The following PRC1 variants were observed in gnomAD, a reference collection of about 807,000 sequenced individuals.
The protein encoded by PRC1 is anaphase spindle elongation 1 homolog.
A neutral mutation model predicts 91.2 loss-of-function variants in PRC1; 54 were observed. The ratio of observed to expected loss-of-function variants is 0.59; its 90% confidence interval spans 0.48 to 0.74. PRC1 has a LOEUF of 0.74. Among genes scored for constraint, PRC1 ranks in the 30% least tolerant of loss-of-function variants. PRC1 has a pLI of 0.00. For synonymous variants in PRC1, 275 were observed against 263.6 expected (o/e 1.04, Z -0.42); for missense variants, 727 against 746.2 (o/e 0.97, Z 0.30).
chr15:90,969,561 G>C lies in PRC1; in HGVS notation c.1635C>G (p.Asn545Lys), dbSNP rs993393274. Residue 545 changes from asparagine to lysine, a missense_variant, in exon 13 of 15, where the codon AAC becomes AAG. Coordinates refer to ENST00000394249, the MANE Select transcript of PRC1 (RefSeq NM_003981.4). ...TGCCGTTGAGCTCCAGGTTCTCCTT[G>C]TTGGCTCCATGCCTGCCAGTACGGG... ...KTPRTGRHGA[N>K]KENLELNGSI... 9.9e-6 allele frequency: 16 copies of C among 1,613,682 alleles called. No individual in the cohort carries two copies. Among genetic ancestry groups the C allele is most frequent in the African/African-American group, 1.3e-5 (1 of 74,882 alleles).
At chr15:90,978,840 T>C (rs8032722) in intron 8 of PRC1, among the ~76,000 whole-genome samples, 63,229 of 149,806 alleles carry the variant, frequency 0.42, 17,003 homozygotes, top group African/African-American at 0.76. Flanking sequence ...CCACCCTTAG[T>C]GGTGGGGGAG....
chr15:90,993,270 C>T (rs1312708967), intron 1 of PRC1, among the ~76,000 whole-genome samples: 3 of 141,438 alleles, frequency 2.1e-5, no homozygotes, highest in African/African-American at 8.2e-5. Context: ...AGTGCAGTGT[C>T]GAGATGTCGG....
intron 8 of PRC1, among the ~76,000 whole-genome samples, chr15:90,978,114 G>A (rs999099503): frequency 6.6e-6 from 1 of 152,134 alleles, no homozygotes; most frequent in Non-Finnish European, 1.5e-5. Context: ...TTCCATCTGT[G>A]CCCTACACAC....
rs567878344 is a variant in PRC1, at chr15:90,966,478, C to T, written c.*653G>A. ...AGGGACAAACGCCGAGAAAGCGTTC[C>T]GACAAGCATGTGTGTTCATACATGC... is the stretch of plus-strand genomic sequence containing the variant. On this transcript the variant is annotated 3_prime_UTR_variant, in exon 15 of 15. Transcript: ENST00000394249. 1.5e-5 allele frequency: 6 copies of T among 405,282 alleles called. No individual in the cohort carries two copies. Among genetic ancestry groups the T allele is most frequent in the East Asian group, 8.0e-5 (1 of 12,566 alleles). The allele number at this position is 405,282 out of a possible 1,614,324, so 25.1% of individuals were successfully genotyped here.
At chr15:90,975,998 C>T (rs1022089519) in intron 9 of PRC1, among the ~76,000 whole-genome samples, 5 of 152,122 alleles carry the variant, frequency 3.3e-5, no homozygotes, top group African/African-American at 7.2e-5. Flanking sequence ...ACTCTGCCAA[C>T]GACATGTTGA....
chr15:90,992,253 CCATTTAAGACTAA>C, intron 1 of PRC1, among the ~76,000 whole-genome samples: 1 of 152,188 alleles, frequency 6.6e-6, no homozygotes, highest in Non-Finnish European at 1.5e-5. Context: ...GCACTTACCA[CCATTTAAGACTAA>C]CTTATTTATT....
rs759290669 is a variant in PRC1, at chr15:90,984,182, GA to G, written c.145-43del. ...AGTCCATAAGTTTGGGGCAATGGAG[GA>G]AAAAAACTCCCAACACCAATACCAA... On this transcript the variant is annotated intron_variant, in intron 2 of 14. Transcript: ENST00000394249. This position sits in a 1 kb window ranked among gnomAD's most constrained non-coding sequence, Gnocchi z 5.1. 2.5e-6 allele frequency: 4 copies of G among 1,599,074 alleles called. No homozygotes were observed. Among genetic ancestry groups the G allele is most frequent in the Non-Finnish European group, 2.6e-6 (3 of 1,173,186 alleles).
intron 12 of PRC1, 87 bp from the exon 13 acceptor site, chr15:90,969,710 G>A (rs964652118): frequency 3.9e-5 from 44 of 1,132,494 alleles, no homozygotes; most frequent in Middle Eastern, 2.2e-4. Context: ...CAAAGGCTGA[G>A]ACTATCTTTA....
intron 1 of PRC1, among the ~76,000 whole-genome samples, chr15:90,989,371 C>G (rs2039813024): frequency 6.6e-6 from 1 of 151,644 alleles, no homozygotes; most frequent in African/African-American, 2.4e-5. Context: ...CCTTAGTCTC[C>G]CAAGTAGCTG....
At chr15:90,968,380 G>T (rs2037726663) in intron 14 of PRC1, 1 of 985,434 alleles carries the variant, frequency 1.0e-6, no homozygotes, top group Admixed American at 6.2e-5. Flanking sequence ...CAGCAATTAA[G>T]AGGGGAGGCA....
intron 1 of PRC1, among the ~76,000 whole-genome samples, chr15:90,989,517 A>G (rs2151613522): frequency 6.7e-6 from 1 of 149,726 alleles, no homozygotes; most frequent in East Asian, 2.0e-4. Flanking sequence ...AAGTGTTGGG[A>G]TAACAGACAT....
chr15:90,966,552 T>A lies in PRC1; in HGVS notation c.*579A>T, dbSNP rs1426338052. On this transcript the variant is annotated 3_prime_UTR_variant, in exon 15 of 15. Transcript: ENST00000394249. ...ACTGTGTAACAGAACTGAACACAATTTAACAAAGCTGCTCCCAGCCTTCCT... is the reference window on the plus strand; with the variant it reads ...ACTGTGTAACAGAACTGAACACAATATAACAAAGCTGCTCCCAGCCTTCCT... The A allele has an allele frequency of 4.4e-6, 2 of 455,976 alleles. No homozygotes were observed. Among genetic ancestry groups the A allele is most frequent in the African/African-American group, 2.0e-5 (1 of 50,052 alleles). 28.2% of individuals were successfully genotyped at this position (455,976 alleles called of 1,614,324 possible).
chr15:90,968,665 G>T, intron 14 of PRC1: 3 of 1,014,362 alleles, frequency 3.0e-6, no homozygotes, highest in Non-Finnish European at 3.5e-6. Context: ...AAGCCCTGAG[G>T]GGTTAGGAAG....
Position 90,966,522 on chromosome 15 carries a change from A to C in PRC1, c.*609T>G. The C allele has an allele frequency of 2.2e-6, 1 of 455,922 alleles. No homozygotes were observed. The highest frequency in any genetic ancestry group is 4.4e-6 in the Non-Finnish European group (1 of 226,506). The allele number at this position is 455,922 out of a possible 1,614,324, so 28.2% of individuals were successfully genotyped here. A position where few individuals can be genotyped will look rare whatever the true frequency, so the allele number is the denominator to read the frequency against. ...TACATGCATACCCCCAACAAAGGGC[A>C]ATGCACTGTGTAACAGAACTGAACA... On this transcript the variant is annotated 3_prime_UTR_variant, in exon 15 of 15. Transcript: ENST00000394249.
At chr15:90,990,165 G>A (rs1259765559) in intron 1 of PRC1, among the ~76,000 whole-genome samples, 13 of 151,810 alleles carry the variant, frequency 8.6e-5, no homozygotes, top group Non-Finnish European at 1.2e-4. Flanking sequence ...GTGAAACCCC[G>A]TCTCTACTAA....
Position 90,966,450 on chromosome 15 carries a change from C to A in PRC1, c.*681G>T. The A allele has an allele frequency of 2.6e-6, 1 of 386,034 alleles. No homozygotes were observed. Among genetic ancestry groups the A allele is most frequent in the Non-Finnish European group, 5.3e-6 (1 of 187,614 alleles). The allele number at this position is 386,034 out of a possible 1,614,324, so 23.9% of individuals were successfully genotyped here. A position where few individuals can be genotyped will look rare whatever the true frequency, so the allele number is the denominator to read the frequency against. On this transcript the variant is annotated 3_prime_UTR_variant, in exon 15 of 15. Transcript: ENST00000394249. ...GGCACAGGAATGGGGGAGATGAGAG[C>A]CAAGGGACAAACGCCGAGAAAGCGT...
intron 11 of PRC1, among the ~76,000 whole-genome samples, chr15:90,973,820 C>G (rs1365909872): frequency 6.6e-6 from 1 of 152,038 alleles, no homozygotes; most frequent in Non-Finnish European, 1.5e-5. Flanking sequence ...TCACGTTTTC[C>G]TGCTGACCTT....
chr15:90,981,257 A>T (rs912707585), intron 5 of PRC1: 13 of 694,624 alleles, frequency 1.9e-5, no homozygotes, highest in Non-Finnish European at 4.6e-6. Flanking sequence ...TTAATTAAAC[A>T]CTAGTCTAAT....
chr15:90,978,936 C>T (rs2151514889), intron 8 of PRC1, among the ~76,000 whole-genome samples: 1 of 152,128 alleles, frequency 6.6e-6, no homozygotes, highest in South Asian at 2.1e-4. Flanking sequence ...GAACCTCATT[C>T]ATGCAAGAAA....
Sources: allele counts gnomAD v4.1 joint callset (sites outside exome capture counted in the v4.1 genomes callset), GRCh38; gene constraint gnomAD v4.1.1; non-coding constraint Gnocchi (gnomAD v3.1); transcripts MANE v1.5; gene names NCBI Gene and HGNC (gene_info 2026-07-23, HGNC 2026-07-21).